The following SH3RF3 variants were observed in gnomAD, a reference collection of about 807,000 sequenced individuals.
The protein encoded by SH3RF3 is E3 ubiquitin-protein ligase SH3RF3.
SH3RF3 carries 29 observed loss-of-function variants against 66.3 expected under a neutral mutation model. The ratio of observed to expected loss-of-function variants is 0.44; its 90% CI spans 0.33 to 0.60. SH3RF3 has a LOEUF of 0.60. Among genes scored for constraint, SH3RF3 ranks in the 20% least tolerant of loss-of-function variants. SH3RF3 has a pLI of 0.04. For synonymous variants in SH3RF3, 583 were observed against 532.0 expected (o/e 1.10, Z -1.32); for missense variants, 1,194 against 1,190.9 (o/e 1.00, Z -0.04).
intron 1 of SH3RF3, among the ~76,000 whole-genome samples, chr2:109,192,813 G>A (rs1678400917): frequency 6.6e-6 from 1 of 152,202 alleles, no homozygotes; most frequent in Admixed American, 6.5e-5. Flanking sequence ...AATATGAATG[G>A]TCATTGGGAT....
chr2:109,446,451 C>G (rs937995178), intron 7 of SH3RF3, among the ~76,000 whole-genome samples: 36 of 152,206 alleles, frequency 2.4e-4, no homozygotes, highest in Non-Finnish European at 4.6e-4. Context: ...GTAAATTACA[C>G]AACTGTGAGG....
At chr2:109,225,469 C>T (rs906621619) in intron 1 of SH3RF3, among the ~76,000 whole-genome samples, 6 of 152,316 alleles carry the variant, frequency 3.9e-5, no homozygotes, top group Admixed American at 2.0e-4. Flanking sequence ...CAGGCCAGGC[C>T]GACTCCCCAC....
intron 8 of SH3RF3, among the ~76,000 whole-genome samples, chr2:109,478,121 C>T (rs1033784908): frequency 2.2e-4 from 33 of 152,342 alleles, no homozygotes; most frequent in African/African-American, 6.0e-4. Flanking sequence ...GCTCTGCAGC[C>T]GGAGAGGAGC....
rs1680011596 is a variant in SH3RF3 at position 109,249,505 on chromosome 2, C to T, written c.574-98169C>T. Among the ~76,000 whole-genome samples, 2 of 43,254 alleles carry T rather than the reference C, an allele frequency of 4.6e-5. 1 individual carries two copies. The highest frequency in any genetic ancestry group is 8.4e-5 in the Non-Finnish European group (2 of 23,724). 28.4% of individuals were successfully genotyped at this position (43,254 alleles called of 152,430 possible). A position where few individuals can be genotyped will look rare whatever the true frequency, so the allele number is the denominator to read the frequency against. ...TCTTTCTTTCTTTCTTTCTTTCTTT[C>T]TTTCATTCTTTCTTTTTCTTTCTTT... On this transcript the variant is annotated intron_variant, in intron 1 of 9. Coordinates refer to ENST00000309415, the MANE Select transcript of SH3RF3 (RefSeq NM_001099289.3).
At chr2:109,445,648 G>C (rs567604977) in intron 7 of SH3RF3, among the ~76,000 whole-genome samples, 1 of 152,216 alleles carries the variant, frequency 6.6e-6, no homozygotes, top group East Asian at 1.9e-4. Flanking sequence ...CTAAATATAT[G>C]AGAGAAGGGA....
intron 1 of SH3RF3, among the ~76,000 whole-genome samples, chr2:109,167,661 TC>T (rs1179768600): frequency 2.6e-5 from 4 of 152,182 alleles, no homozygotes; most frequent in Non-Finnish European, 5.9e-5. Flanking sequence ...AACCTCAGCT[TC>T]CTGGGTTCAA....
intron 5 of SH3RF3, among the ~76,000 whole-genome samples, chr2:109,424,358 A>T (rs1676974231): frequency 6.6e-6 from 1 of 152,170 alleles, no homozygotes; most frequent in Non-Finnish European, 1.5e-5. Flanking sequence ...TTCAGAGGGG[A>T]CCCAGGCTGG....
chr2:109,402,189 CT>C (rs1358426099), intron 4 of SH3RF3, among the ~76,000 whole-genome samples: 2 of 152,254 alleles, frequency 1.3e-5, no homozygotes, highest in African/African-American at 2.4e-5. Context: ...CTGCTCTGCA[CT>C]GCCTTCCTGG....
intron 1 of SH3RF3, among the ~76,000 whole-genome samples, chr2:109,212,582 G>A (rs926316959): frequency 6.6e-6 from 1 of 152,112 alleles, no homozygotes; most frequent in Non-Finnish European, 1.5e-5. Flanking sequence ...AGGAGAAGTC[G>A]GCTGACCCAC....
At chr2:109,229,451 C>G (rs1045297931) in intron 1 of SH3RF3, among the ~76,000 whole-genome samples, 2 of 152,220 alleles carry the variant, frequency 1.3e-5, no homozygotes, top group Non-Finnish European at 2.9e-5. Context: ...TCTCCATGGA[C>G]TCCTCTGGCT....
chr2:109,355,843 G>T (rs1011733370), intron 2 of SH3RF3, among the ~76,000 whole-genome samples: 1 of 152,222 alleles, frequency 6.6e-6, no homozygotes, highest in Non-Finnish European at 1.5e-5. Context: ...TAATGAGTCT[G>T]TGAAGCAGCT....
intron 1 of SH3RF3, among the ~76,000 whole-genome samples, chr2:109,157,200 A>G (rs1021514792): frequency 6.6e-6 from 1 of 152,068 alleles, no homozygotes; most frequent in Admixed American, 6.5e-5. Flanking sequence ...TTGACTGGGG[A>G]TATTCACCGT....
intron 1 of SH3RF3, among the ~76,000 whole-genome samples, chr2:109,325,806 G>T (rs1312575868): frequency 2.0e-5 from 3 of 152,178 alleles, no homozygotes; most frequent in South Asian, 4.1e-4. Flanking sequence ...CCTTATTACT[G>T]CAGGGCAAAG....
chr2:109,416,355 G>A (rs1676721170), intron 4 of SH3RF3, among the ~76,000 whole-genome samples: 1 of 151,930 alleles, frequency 6.6e-6, no homozygotes. Context: ...AGCACTTTGG[G>A]AGGCTGAGGA....
chr2:109,196,675 T>G (rs546280566), intron 1 of SH3RF3, among the ~76,000 whole-genome samples: 9 of 152,286 alleles, frequency 5.9e-5, no homozygotes, highest in South Asian at 2.1e-4. Context: ...CTGGTTGCAG[T>G]GAGGGGCTGG....
intron 9 of SH3RF3, 151 bp downstream of exon 9, chr2:109,491,087 G>T (rs1171358548): frequency 8.3e-6 from 3 of 361,302 alleles, no homozygotes; most frequent in Non-Finnish European, 1.2e-5. Context: ...TCCCGAGCTT[G>T]GGTGGTGAGT....
intron 1 of SH3RF3, among the ~76,000 whole-genome samples, chr2:109,318,554 C>T (rs983729671): frequency 5.3e-5 from 8 of 152,182 alleles, no homozygotes; most frequent in Admixed American, 2.0e-4. Context: ...TTTGTCCTTG[C>T]GGGTGTGTTG....
chr2:109,233,663 A>G (rs373103906), intron 1 of SH3RF3, among the ~76,000 whole-genome samples: 26 of 152,322 alleles, frequency 1.7e-4, no homozygotes, highest in East Asian at 1.3e-3. Flanking sequence ...TCCTGTTCGT[A>G]TCACCACCAC....
chr2:109,306,310 G>A (rs781107015), intron 1 of SH3RF3, among the ~76,000 whole-genome samples: 2 of 152,196 alleles, frequency 1.3e-5, no homozygotes, highest in Non-Finnish European at 2.9e-5. Context: ...TCCACCCTGC[G>A]ATGTTGTTCT....
Sources: gnomAD v4.1 joint callset for allele counts (sites outside exome capture counted in the v4.1 genomes callset) on GRCh38, gnomAD v4.1.1 for gene constraint, MANE v1.5 for transcripts, NCBI Gene and HGNC (gene_info 2026-07-23, HGNC 2026-07-21) for gene names.